Variants in TRPM5 observed in about 807,000 individuals in gnomAD.
The protein encoded by TRPM5 is transient receptor potential cation channel subfamily M member 5, also known as MLSN1 and TRP-related.
Under a neutral mutation model 124.9 loss-of-function variants are expected in TRPM5, and 121 were observed. The observed-to-expected ratio is 0.97, with a 90% CI of 0.84 to 1.13. The LOEUF (loss-of-function observed/expected upper bound fraction) is 1.13. Among genes scored for constraint, TRPM5 ranks in the 50% most tolerant of loss-of-function variants. TRPM5 has a pLI of 0.00. For missense variants in TRPM5, 1,643 were observed against 1,589.1 expected, an observed-to-expected ratio of 1.03 and a Z score of -0.58; for synonymous variants, 781 against 700.5, an observed-to-expected ratio of 1.11 and a Z score of -1.81.
intron 3 of TRPM5, 157 bp downstream of exon 8, chr11:2,420,875 G>T: frequency 1.2e-6 from 1 of 856,586 alleles, no homozygotes; most frequent in Non-Finnish European, 1.7e-6. Context: ...TCCCTATGCG[G>T]TACTGCCACC....
At chr11:2,435,626 T>C in the TRPM5 span, among the ~76,000 whole-genome samples, 1 of 150,494 alleles carries the variant, frequency 6.6e-6, no homozygotes, top group Admixed American at 6.6e-5. This position sits in a 1 kb window ranked among gnomAD's most constrained non-coding sequence, Gnocchi z 4.1. Flanking sequence ...CATCCACCCA[T>C]CCACCAATCT....
upstream of TRPM5, among the ~76,000 whole-genome samples, chr11:2,428,043 C>A (rs1222034063): frequency 6.6e-6 from 1 of 152,206 alleles, no homozygotes; most frequent in Non-Finnish European, 1.5e-5. The surrounding 1 kb of genome is among the most constrained non-coding windows in gnomAD (Gnocchi z 4.0). Flanking sequence ...GTCCCTGCAT[C>A]CGGAGTCAGG....
chr11:2,412,632 G>A, intron 15 of TRPM5, 122 bp downstream of exon 20: 3 of 1,081,248 alleles, frequency 2.8e-6, no homozygotes, highest in Non-Finnish European at 3.9e-6. Flanking sequence ...GAAGATGGGA[G>A]GCCCCCATGC....
Position 2,413,535 on chromosome 11 carries a change from C to A in TRPM5, c.1944G>T (p.Leu648=), listed in dbSNP as rs1850497824. 3 of 1,612,438 alleles carry A rather than the reference C, an allele frequency of 1.9e-6. No individual in the cohort carries two copies. The Admixed American group carries it at 5.0e-5, about 27-fold the overall frequency. The change falls in exon 13 of 24, where the codon CTG becomes CTT. Residue 648 remains leucine (L), a synonymous_variant. Coordinates refer to ENST00000155858, the Ensembl canonical transcript of TRPM5. The stretch of plus-strand genomic sequence containing the variant: ...GGCAGAGGAAGGCTCCTAGCAGCCG[C>A]AGGATGGGCGTGCCTGCGGCCATGT...
At chr11:2,426,858 A>G (rs1317667880), upstream of TRPM5, among the ~76,000 whole-genome samples, 3 of 152,268 alleles carry the variant, frequency 2.0e-5, no homozygotes, top group East Asian at 5.8e-4. Flanking sequence ...AGGATGCCCC[A>G]TCTCCCTGGG....
intron 18 of TRPM5, among the ~76,000 whole-genome samples, chr11:2,409,380 A>G (rs887975714): frequency 2.6e-5 from 4 of 152,040 alleles, no homozygotes; most frequent in Non-Finnish European, 5.9e-5. Flanking sequence ...AGCTCTGAGG[A>G]ATGAGACCCC....
At position 2,414,841 on chromosome 11, in the gene TRPM5, AC is replaced by A. The variant is rs758809809; in HGVS notation, c.1621-4del. On this transcript the variant is annotated splice_polypyrimidine_tract_variant and splice_region_variant and intron_variant, in intron 10 of 23. Transcript: ENST00000155858. ...GCGGCTGCCACACCTTCCTGGCCCTACGAGACCTGGTCTCAGGAGGCCGCCC... is the reference window on the plus strand; with the variant it reads ...GCGGCTGCCACACCTTCCTGGCCCTAGAGACCTGGTCTCAGGAGGCCGCCC... The A allele has an allele frequency of 2.5e-5, 39 of 1,591,698 alleles. No individual in the cohort carries two copies. The highest frequency in any genetic ancestry group is 3.1e-5 in the Non-Finnish European group (36 of 1,170,428).
chr11:2,421,889 C>CACTGCTGCACCTGTGGGT (rs1565015379), intron 2 of TRPM5, among the ~76,000 whole-genome samples: 1 of 152,112 alleles, frequency 6.6e-6, no homozygotes, highest in Non-Finnish European at 1.5e-5. Context: ...AGTACGTAGG[C>CACTGCTGCACCTGTGGGT]ACTGCTGCAC....
In TRPM5 at chr11:2,405,919, T is replaced by A; in HGVS notation, c.3324+100A>T. The A allele has an allele frequency of 1.1e-5, 12 of 1,138,970 alleles. 1 individual carries two copies. The South Asian group carries it at 1.6e-4, about 15-fold the overall frequency. 70.6% of individuals were successfully genotyped at this position (1,138,970 alleles called of 1,614,324 possible). A position where few individuals can be genotyped will look rare whatever the true frequency, so the allele number is the denominator to read the frequency against. On this transcript the variant is annotated intron_variant, in intron 22 of 23. Transcript: ENST00000155858. The stretch of plus-strand genomic sequence containing the variant: ...GCTCCTGTCCTGGCTCTGGCCTGCC[T>A]CATCTCTGTGAGTGACCGGGCAGGG...
chr11:2,405,564 G>A (rs764508509), exon 23 of TRPM5: 51 of 1,566,082 alleles, frequency 3.3e-5, no homozygotes, highest in South Asian at 4.7e-5. Context: ...CGTCAGCCAC[G>A]GAGGACACGA....
exon 20 of TRPM5, chr11:2,407,223 T>A: frequency 1.2e-6 from 2 of 1,611,940 alleles, no homozygotes; most frequent in Non-Finnish European, 1.7e-6. Context: ...GGGGCGCTCG[T>A]GGTACTCCAC....
At chr11:2,428,474 T>C in the TRPM5 span, among the ~76,000 whole-genome samples, 2 of 151,284 alleles carry the variant, frequency 1.3e-5, no homozygotes, top group African/African-American at 4.9e-5. This position sits in a 1 kb window ranked among gnomAD's most constrained non-coding sequence, Gnocchi z 4.0. Flanking sequence ...GTGGCAGTAG[T>C]GGTGGTGGTG....
At position 2,412,677 on chromosome 11, in the gene TRPM5, C is replaced by T. The variant is rs904815384; in HGVS notation, c.2355+77G>A. The T allele has an allele frequency of 6.1e-5, 88 of 1,437,968 alleles. No homozygotes were observed. In the African/African-American group the frequency reaches 9.7e-4, roughly 16 times the overall value. The allele number at this position is 1,437,968 out of a possible 1,614,324, so 89.1% of individuals were successfully genotyped here. On this transcript the variant is annotated intron_variant, in intron 15 of 23. Coordinates refer to ENST00000155858, the Ensembl canonical transcript of TRPM5. ...TTTACAGTTGGGGAGCCCCACCCTG[C>T]GAGGGCAGGACCCAGCTTAGGTTGC... is the stretch of plus-strand genomic sequence containing the variant.
chr11:2,422,371 G>A (rs1188152768), intron 1 of TRPM5, 50 bp from the exon 7 acceptor site: 2 of 1,521,222 alleles, frequency 1.3e-6, no homozygotes, highest in Middle Eastern at 1.9e-4. Context: ...GGGCATGGGA[G>A]CTGCTGGGCA....
At chr11:2,405,844 C>CGGGTGGG (rs1850308965) in intron 22 of TRPM5, among the ~76,000 whole-genome samples, 175 bp downstream of exon 27, 1 of 152,168 alleles carries the variant, frequency 6.6e-6, no homozygotes, top group South Asian at 2.1e-4. Flanking sequence ...GGAGGAGGCA[C>CGGGTGGG]AGGTGGGGAC....
rs1001851644 is a variant in TRPM5, at chr11:2,420,233, G to A, written c.638C>T (p.Ala213Val). The A allele has an allele frequency of 8.1e-6, 13 of 1,602,020 alleles. No individual in the cohort carries two copies. In the African/African-American group the frequency reaches 9.4e-5, roughly 12 times the overall value. ...GGGGCGGGTCTCACCCCCGTAGCCC[G>A]CCCTCTGCTCCGAGATGTGCTTCTC... Residue 213 changes from alanine to valine, a missense_variant, in exon 4 of 24, where the codon GCG (alanine) becomes GTG (valine). Physicochemically the swap from Ala to Val is moderately conservative, Grantham distance 64. Transcript: ENST00000155858.
the TRPM5 span, among the ~76,000 whole-genome samples, chr11:2,435,967 AC>A: frequency 6.6e-6 from 1 of 152,164 alleles, no homozygotes; most frequent in Admixed American, 6.5e-5. This position sits in a 1 kb window ranked among gnomAD's most constrained non-coding sequence, Gnocchi z 4.1. Context: ...TGGCCAGAGC[AC>A]CCCAAGAGCG....
In TRPM5 at chr11:2,414,854, T is replaced by G. The variant is rs759069195; in HGVS notation, c.1621-16A>C. On this transcript the variant is annotated splice_polypyrimidine_tract_variant and intron_variant, in intron 10 of 23. Coordinates refer to ENST00000155858, the Ensembl canonical transcript of TRPM5. ...CTTCCTGGCCCTACGAGACCTGGTCTCAGGAGGCCGCCCCTCCCCTGCCCC... is the reference window on the plus strand; with the variant it reads ...CTTCCTGGCCCTACGAGACCTGGTCGCAGGAGGCCGCCCCTCCCCTGCCCC... 7 of 1,589,570 alleles carry G rather than the reference T, an allele frequency of 4.4e-6. No homozygotes were observed. The East Asian group carries it at 1.6e-4, about 36-fold the overall frequency.
exon 18 of TRPM5, chr11:2,411,395 G>C (rs1460152852): frequency 5.0e-6 from 8 of 1,610,746 alleles, no homozygotes; most frequent in Non-Finnish European, 6.8e-6. Flanking sequence ...TCTGCAGGTA[G>C]GGCCGGTAGA....
Sources: allele counts gnomAD v4.1 joint callset (sites outside exome capture counted in the v4.1 genomes callset), GRCh38; gene constraint gnomAD v4.1.1; non-coding constraint Gnocchi (gnomAD v3.1); transcripts MANE v1.5; gene names NCBI Gene and HGNC (gene_info 2026-07-23, HGNC 2026-07-21).